Variants in RARB observed in about 807,000 individuals in gnomAD.
RARB encodes retinoic acid receptor beta.
A neutral mutation model predicts 51.9 loss-of-function variants in RARB; 17 were observed. That is an observed-to-expected ratio of 0.33 (90% confidence interval 0.22 to 0.49). RARB has a LOEUF of 0.49. Among genes scored for constraint, RARB ranks in the 20% least tolerant of loss-of-function variants. The probability of loss-of-function intolerance (pLI) is 0.99; values close to 1 mark genes in which losing one functional copy is unlikely to be tolerated. For synonymous variants in RARB, 215 were observed against 195.4 expected (o/e 1.10, Z -0.84); for missense variants, 369 against 550.8 (o/e 0.67, Z 3.30).
At chr3:24,875,428 G>T (rs1703024816) in intron 2 of RARB, among the ~76,000 whole-genome samples, 1 of 152,064 alleles carries the variant, frequency 6.6e-6, no homozygotes, top group South Asian at 2.1e-4. Context: ...AGTTCCTTAT[G>T]TACTTTAGCC....
chr3:25,422,232 C>G (rs1316992476), intron 5 of RARB, among the ~76,000 whole-genome samples: 1 of 152,198 alleles, frequency 6.6e-6, no homozygotes, highest in Non-Finnish European at 1.5e-5. Flanking sequence ...ATAATATTAA[C>G]ACGAAATAAT....
intron 5 of RARB, among the ~76,000 whole-genome samples, chr3:25,194,538 G>A (rs964939770): frequency 1.8e-4 from 27 of 149,550 alleles, no homozygotes; most frequent in African/African-American, 5.4e-4. Flanking sequence ...TATATATAAT[G>A]TATATATCAT....
At chr3:24,967,055 T>G (rs1696290885) in intron 2 of RARB, among the ~76,000 whole-genome samples, 1 of 152,176 alleles carries the variant, frequency 6.6e-6, no homozygotes. Flanking sequence ...TTTACTGATT[T>G]GAATTAGATA....
intron 3 of RARB, among the ~76,000 whole-genome samples, chr3:25,065,915 T>C (rs1393225061): frequency 1.3e-5 from 2 of 152,190 alleles, no homozygotes; most frequent in Non-Finnish European, 2.9e-5. Flanking sequence ...GATGACTCTC[T>C]TTTACCAAAA....
chr3:25,233,975 T>G (rs1702244737), intron 5 of RARB, among the ~76,000 whole-genome samples: 1 of 152,034 alleles, frequency 6.6e-6, no homozygotes. Context: ...TTACTAATAT[T>G]TTGTTGGAGA....
chr3:25,537,373 A>G (rs1245256727), intron 3 of RARB, among the ~76,000 whole-genome samples: 1 of 152,202 alleles, frequency 6.6e-6, no homozygotes, highest in South Asian at 2.1e-4. Flanking sequence ...TCTGCTTTTC[A>G]AAATTGGTTG....
chr3:25,153,397 G>C (rs1700323534), intron 4 of RARB, among the ~76,000 whole-genome samples: 1 of 152,064 alleles, frequency 6.6e-6, no homozygotes, highest in South Asian at 2.1e-4. Flanking sequence ...CCTTACGAAG[G>C]ACATGCAGAG....
intron 5 of RARB, among the ~76,000 whole-genome samples, chr3:25,218,288 G>A (rs534468997): frequency 3.7e-4 from 56 of 151,832 alleles, no homozygotes; most frequent in African/African-American, 1.3e-3. Flanking sequence ...CCAGCCTTGC[G>A]CCCCCACCCA....
intron 5 of RARB, among the ~76,000 whole-genome samples, chr3:25,303,404 C>T (rs189167894): frequency 3.9e-5 from 6 of 152,280 alleles, no homozygotes; most frequent in African/African-American, 1.2e-4. Flanking sequence ...TAAGCTAGAA[C>T]ATAATATTTG....
chr3:25,201,300 A>G (rs1701383634), intron 5 of RARB, among the ~76,000 whole-genome samples: 1 of 152,174 alleles, frequency 6.6e-6, no homozygotes, highest in South Asian at 2.1e-4. Flanking sequence ...GACTTTGCTG[A>G]AGTTGCTTAT....
intron 2 of RARB, among the ~76,000 whole-genome samples, chr3:24,884,358 A>C (rs1703231475): frequency 6.6e-6 from 1 of 152,142 alleles, no homozygotes; most frequent in Non-Finnish European, 1.5e-5. Context: ...CTTATTGTGC[A>C]TTTTATGAAG....
At chr3:25,163,498 T>C (rs902748332) in intron 4 of RARB, among the ~76,000 whole-genome samples, 2 of 118,292 alleles carry the variant, frequency 1.7e-5, no homozygotes, top group African/African-American at 6.8e-5. Flanking sequence ...TAAGACCCTA[T>C]CTCAAAATAT....
At chr3:25,428,947 C>T (rs1294268619) in intron 1 of RARB, 59 bp downstream of exon 1, 1 of 1,514,204 alleles carries the variant, frequency 6.6e-7, no homozygotes, top group South Asian at 1.3e-5. Context: ...CTCTTGCATG[C>T]AATAAAGACG....
rs59052323 is a variant in RARB, at chr3:25,456,660, A to AATATATATATAT, written c.158-4521_158-4510dup. ...CCATCAATTCTGAGGGTGATATTTG[A>AATATATATATAT]ATATATATATATATATATATATAGA... On this transcript the variant is annotated intron_variant, in intron 1 of 7. Coordinates refer to ENST00000330688, the MANE Select transcript of RARB (RefSeq NM_000965.5). Among the ~76,000 whole-genome samples, 26 of 96,198 alleles carry AATATATATATAT rather than the reference A, an allele frequency of 2.7e-4. No individual in the cohort carries two copies. The East Asian group carries it at 3.4e-3, about 12-fold the overall frequency. 63.1% of individuals were successfully genotyped at this position (96,198 alleles called of 152,430 possible). A position where few individuals can be genotyped will look rare whatever the true frequency, so the allele number is the denominator to read the frequency against.
intron 2 of RARB, among the ~76,000 whole-genome samples, chr3:25,479,226 A>G (rs1696110967): frequency 6.6e-6 from 1 of 152,054 alleles, no homozygotes; most frequent in South Asian, 2.1e-4. Context: ...GGGCAATGAG[A>G]AAATATGCAG....
intron 2 of RARB, among the ~76,000 whole-genome samples, chr3:24,885,669 C>G (rs945460351): frequency 6.6e-6 from 1 of 152,088 alleles, no homozygotes; most frequent in Non-Finnish European, 1.5e-5. Context: ...TGTTAAGATT[C>G]CTCAGCTAGG....
chr3:25,196,264 C>A (rs535503598), intron 5 of RARB, among the ~76,000 whole-genome samples: 1 of 152,022 alleles, frequency 6.6e-6, no homozygotes, highest in South Asian at 2.1e-4. Flanking sequence ...TGTTCCCCTT[C>A]CTGTGTCCAA....
At chr3:24,982,905 A>G (rs1405148589) in intron 2 of RARB, among the ~76,000 whole-genome samples, 1 of 152,178 alleles carries the variant, frequency 6.6e-6, no homozygotes, top group Admixed American at 6.5e-5. Flanking sequence ...TGTCTTCATG[A>G]CCTTTAAATG....
intron 3 of RARB, among the ~76,000 whole-genome samples, chr3:25,068,461 AAG>A (rs1346275557): frequency 1.3e-5 from 2 of 152,118 alleles, no homozygotes; most frequent in Non-Finnish European, 2.9e-5. Flanking sequence ...AGAAAACAAA[AAG>A]GGGGGTAATA....
Sources: allele counts gnomAD v4.1 joint callset (sites outside exome capture counted in the v4.1 genomes callset), GRCh38; gene constraint gnomAD v4.1.1; transcripts MANE v1.5; gene names NCBI Gene and HGNC (gene_info 2026-07-23, HGNC 2026-07-21).